NRXN3: variants seen among roughly 807,000 people sequenced by gnomAD.
NRXN3 encodes the protein neurexin 3, also known as neurexin III.
NRXN3 carries 32 observed loss-of-function variants against 137.6 expected under a neutral mutation model. That is an observed-to-expected ratio of 0.23 (90% CI 0.18 to 0.31). The LOEUF (loss-of-function observed/expected upper bound fraction) is 0.31. Ranked by LOEUF, NRXN3 falls within the 10% of genes least tolerant of loss-of-function variation. The probability of loss-of-function intolerance (pLI) is 1.00; values close to 1 mark genes in which losing one functional copy is unlikely to be tolerated. For synonymous variants in NRXN3, 798 were observed against 784.5 expected (o/e 1.02, Z -0.29); for missense variants, 1,574 against 2,062.5 (o/e 0.76, Z 4.59).
rs1317183943 is a variant in NRXN3 at position 79,376,210 on chromosome 14, GTATGTATATATA to G, written c.3263-91007_3263-90996del. Among the ~76,000 whole-genome samples the G allele has an allele frequency of 1.8e-3, 74 of 40,786 alleles. 2 individuals carry two copies. The highest frequency in any genetic ancestry group is 6.0e-3 in the African/African-American group (66 of 11,060). 26.8% of individuals were successfully genotyped at this position (40,786 alleles called of 152,430 possible). A position where few individuals can be genotyped will look rare whatever the true frequency, so the allele number is the denominator to read the frequency against. On this transcript the variant is annotated intron_variant, in intron 15 of 20. Coordinates refer to ENST00000335750, the MANE Select transcript of NRXN3 (RefSeq NM_001330195.2). ...TATACATGTGGGTGTGTGTGTGTGT[GTATGTATATATA>G]TATATATATATATATATATATATAT...
At chr14:78,904,780 T>C (rs2099209786) in intron 10 of NRXN3, among the ~76,000 whole-genome samples, 1 of 151,974 alleles carries the variant, frequency 6.6e-6, no homozygotes, top group Non-Finnish European at 1.5e-5. Flanking sequence ...TATTTCCTCT[T>C]CTCTTTTCCA....
chr14:79,727,297 T>C (rs2098896261), intron 19 of NRXN3, among the ~76,000 whole-genome samples: 1 of 152,204 alleles, frequency 6.6e-6, no homozygotes, highest in African/African-American at 2.4e-5. Flanking sequence ...TTTGAATGAC[T>C]AGCCCAATCA....
chr14:78,457,662 A>G (rs979628338), intron 4 of NRXN3, among the ~76,000 whole-genome samples: 3 of 152,224 alleles, frequency 2.0e-5, no homozygotes, highest in Non-Finnish European at 4.4e-5. Flanking sequence ...TTGCAAGCTA[A>G]CAAGTTAATC....
At chr14:78,235,937 G>T (rs1157167457) in intron 1 of NRXN3, among the ~76,000 whole-genome samples, 1 of 152,208 alleles carries the variant, frequency 6.6e-6, no homozygotes, top group African/African-American at 2.4e-5. Context: ...TGCAAAGCAT[G>T]GTGGATATTT....
At chr14:79,300,918 A>T (rs533629729) in intron 15 of NRXN3, among the ~76,000 whole-genome samples, 1 of 152,222 alleles carries the variant, frequency 6.6e-6, no homozygotes, top group East Asian at 1.9e-4. Context: ...ACTTTGCCAG[A>T]GCAGGGATTA....
In NRXN3 at chr14:79,862,239, A is replaced by G. The variant is rs1437453894; in HGVS notation, c.*275A>G. The G allele has an allele frequency of 6.4e-6, 2 of 310,866 alleles. No individual in the cohort carries two copies. Among genetic ancestry groups the G allele is most frequent in the South Asian group, 5.2e-5 (1 of 19,152 alleles). The allele number at this position is 310,866 out of a possible 1,614,324, so 19.3% of individuals were successfully genotyped here. ...CTGCTGTATCATAAAGCACACACTT[A>G]GCGCTCTGGAGCCGGACGGTGGCTC... On this transcript the variant is annotated 3_prime_UTR_variant, in exon 21 of 21. Coordinates refer to ENST00000335750, the MANE Select transcript of NRXN3 (RefSeq NM_001330195.2).
chr14:78,454,635 TA>T (rs1161974691), intron 4 of NRXN3, among the ~76,000 whole-genome samples: 2 of 152,180 alleles, frequency 1.3e-5, no homozygotes, highest in African/African-American at 4.8e-5. Flanking sequence ...AGACAGTCAA[TA>T]AATAATTGTT....
At chr14:79,697,961 T>C (rs1603438799) in intron 19 of NRXN3, 24 bp downstream of exon 19, 5 of 1,592,028 alleles carry the variant, frequency 3.1e-6, no homozygotes, top group Non-Finnish European at 4.3e-6. Context: ...CAAGTATTAA[T>C]TGCGTCTGTA....
At chr14:78,259,075 T>C (rs1281209033) in intron 2 of NRXN3, among the ~76,000 whole-genome samples, 7 of 147,552 alleles carry the variant, frequency 4.7e-5, no homozygotes, top group Non-Finnish European at 8.9e-5. Context: ...GAGGTTGCAG[T>C]GAGCCAAGAT....
intron 15 of NRXN3, among the ~76,000 whole-genome samples, chr14:79,032,159 T>C (rs1362283902): frequency 6.6e-6 from 1 of 152,172 alleles, no homozygotes; most frequent in African/African-American, 2.4e-5. Flanking sequence ...ATGCAATTAG[T>C]ATTTAAAGGT....
At chr14:79,684,993 A>G (rs941737850) in intron 17 of NRXN3, among the ~76,000 whole-genome samples, 4 of 152,258 alleles carry the variant, frequency 2.6e-5, no homozygotes, top group African/African-American at 9.6e-5. Context: ...GATAAGAGGA[A>G]AGGCACCTGG....
At chr14:79,465,174 T>G (rs2096405127) in intron 15 of NRXN3, among the ~76,000 whole-genome samples, 1 of 152,168 alleles carries the variant, frequency 6.6e-6, no homozygotes, top group African/African-American at 2.4e-5. Flanking sequence ...ATGACATTTG[T>G]AACCATCTAC....
chr14:78,957,386 G>T (rs368905670), intron 11 of NRXN3, 25 bp downstream of exon 11: 2 of 1,589,482 alleles, frequency 1.3e-6, no homozygotes, highest in Non-Finnish European at 1.7e-6. Flanking sequence ...GGTGAAATTC[G>T]TCTGTCTTTT....
chr14:79,205,972 C>A (rs1285968146), intron 15 of NRXN3, among the ~76,000 whole-genome samples: 1 of 152,144 alleles, frequency 6.6e-6, no homozygotes, highest in Non-Finnish European at 1.5e-5. Flanking sequence ...CTTGGAATCC[C>A]TATTTTTGAC....
chr14:79,234,435 G>A (rs1161034670), intron 15 of NRXN3, among the ~76,000 whole-genome samples: 1 of 147,846 alleles, frequency 6.8e-6, no homozygotes, highest in Non-Finnish European at 1.5e-5. Context: ...CTAGGCTGGA[G>A]TGTAGTGGCA....
At chr14:78,345,147 C>T (rs2082572745) in intron 4 of NRXN3, among the ~76,000 whole-genome samples, 1 of 152,040 alleles carries the variant, frequency 6.6e-6, no homozygotes, top group Non-Finnish European at 1.5e-5. Context: ...GGGTACATGC[C>T]TGTGGCCCAC....
intron 15 of NRXN3, among the ~76,000 whole-genome samples, chr14:79,018,076 A>G (rs1433230335): frequency 6.6e-6 from 1 of 151,746 alleles, no homozygotes; most frequent in African/African-American, 2.4e-5. Flanking sequence ...CCTGGCTAAC[A>G]TGGTGAAACC....
intron 10 of NRXN3, among the ~76,000 whole-genome samples, chr14:78,915,791 T>TG (rs1293910887): frequency 1.3e-5 from 2 of 151,990 alleles, no homozygotes; most frequent in African/African-American, 4.8e-5. Flanking sequence ...GCCTTTTCAG[T>TG]ATATGAAAGC....
In NRXN3 at chr14:78,612,715, C is replaced by T. The variant is rs183992994; in HGVS notation, c.758-32405C>T. Among the ~76,000 whole-genome samples the T allele has an allele frequency of 2.0e-4, 31 of 152,288 alleles. No individual in the cohort carries two copies. The East Asian group carries it at 2.7e-3, about 13-fold the overall frequency. ...TGGTACTCAGTTGAGATTTGCTATT[C>T]TGTATTGTTTCTTTTCTGTCTGTAA... is the stretch of plus-strand genomic sequence containing the variant. On this transcript the variant is annotated intron_variant, in intron 4 of 20. Coordinates refer to ENST00000335750, the MANE Select transcript of NRXN3 (RefSeq NM_001330195.2).
Sources: gnomAD v4.1 joint callset for allele counts (sites outside exome capture counted in the v4.1 genomes callset) on GRCh38, gnomAD v4.1.1 for gene constraint, MANE v1.5 for transcripts, NCBI Gene and HGNC (gene_info 2026-07-23, HGNC 2026-07-21) for gene names.